The following CRTAC1 variants were observed in gnomAD, a reference collection of about 807,000 sequenced individuals.
The protein encoded by CRTAC1 is cartilage acidic protein 1, also known as acidic secreted protein in cartilage.
In CRTAC1, 37 loss-of-function variants were observed where a neutral mutation model predicts 67.8. That is an observed-to-expected ratio of 0.55 (90% CI 0.42 to 0.72). CRTAC1 has a LOEUF of 0.72. Among genes scored for constraint, CRTAC1 ranks in the 30% least tolerant of loss-of-function variants. The pLI is 0.00. For missense variants in CRTAC1, 780 were observed against 931.6 expected (o/e 0.84, Z 2.12); for synonymous variants, 348 against 371.0 (o/e 0.94, Z 0.71).
intron 2 of CRTAC1, among the ~76,000 whole-genome samples, chr10:97,948,393 T>A (rs2051297968): frequency 6.6e-6 from 1 of 151,994 alleles, no homozygotes; most frequent in Admixed American, 6.6e-5. Flanking sequence ...GGAGGGTGCA[T>A]GGGAGTGGAT....
chr10:97,923,400 C>G lies in CRTAC1; in HGVS notation c.422G>C (p.Gly141Ala), dbSNP rs765030462. The G allele has an allele frequency of 1.2e-6, 2 of 1,614,050 alleles. No homozygotes were observed. Among genetic ancestry groups the G allele is most frequent in the Non-Finnish European group, 1.7e-6 (2 of 1,180,002 alleles). ...CAACTTGTCGGTGTACGTGGCCACC[C>G]CTGGAGAGAGGAGGAAAGGGAGGGC... ...YFLNTNNAFS[G>A]VATYTDKLFK... The change falls in exon 4 of 15, where the codon GGG becomes GCG. Residue 141 changes from glycine to alanine, a missense_variant and splice_region_variant. By Grantham distance (60) the Gly-to-Ala change is moderately conservative. Coordinates refer to ENST00000370597, the MANE Select transcript of CRTAC1 (RefSeq NM_018058.7).
At chr10:97,878,650 T>C (rs775037251) in intron 14 of CRTAC1, 3 of 1,304,144 alleles carry the variant, frequency 2.3e-6, no homozygotes, top group Non-Finnish European at 3.0e-6. Flanking sequence ...AGCATTCTAT[T>C]TTCCAAGGAG....
At chr10:97,974,313 T>C in intron 2 of CRTAC1, among the ~76,000 whole-genome samples, 1 of 152,164 alleles carries the variant, frequency 6.6e-6, no homozygotes, top group East Asian at 1.9e-4. Context: ...CCCCCCCTGC[T>C]GCGTAACAGG....
chr10:97,935,244 A>G (rs953495812), intron 3 of CRTAC1, among the ~76,000 whole-genome samples: 6 of 152,326 alleles, frequency 3.9e-5, no homozygotes, highest in African/African-American at 1.4e-4. Context: ...AGTGGCATTT[A>G]CCAGTACCTA....
chr10:97,887,227 G>GTTTTTTTTTTTTTTTTT (rs71007369), intron 11 of CRTAC1, among the ~76,000 whole-genome samples: 1 of 127,960 alleles, frequency 7.8e-6, no homozygotes. Context: ...CGGCACTTAG[G>GTTTTTTTTTTTTTTTTT]TTTTTTTTTT....
At chr10:98,024,746 C>CT (rs749919406) in intron 1 of CRTAC1, among the ~76,000 whole-genome samples, 4,983 of 64,930 alleles carry the variant, frequency 0.077, 1,868 homozygotes, top group Middle Eastern at 0.13. Flanking sequence ...TTATATTATC[C>CT]TTTTTTTTTT....
intron 8 of CRTAC1, among the ~76,000 whole-genome samples, chr10:97,898,928 G>T (rs2050497189): frequency 6.6e-6 from 1 of 152,146 alleles, no homozygotes; most frequent in Non-Finnish European, 1.5e-5. Flanking sequence ...TATTAAGAGG[G>T]CTCCCTTTCA....
At chr10:97,979,121 G>T (rs1203781306) in intron 2 of CRTAC1, among the ~76,000 whole-genome samples, 2 of 152,180 alleles carry the variant, frequency 1.3e-5, no homozygotes, top group African/African-American at 4.8e-5. Context: ...CTCCCTCAGA[G>T]AAGTTCTTGC....
At chr10:98,007,918 C>A (rs891917985) in intron 2 of CRTAC1, among the ~76,000 whole-genome samples, 1 of 152,306 alleles carries the variant, frequency 6.6e-6, no homozygotes, top group Admixed American at 6.5e-5. Context: ...GAATGCCCAG[C>A]ACTTGGAAAG....
At position 97,884,276 on chromosome 10, in the gene CRTAC1, TC is replaced by T; in HGVS notation, c.1561del (p.Glu521ArgfsTer2). On this transcript the variant is annotated frameshift_variant, in exon 12 of 15. Coordinates refer to ENST00000370597, the MANE Select transcript of CRTAC1 (RefSeq NM_018058.7). LOFTEE classifies it high-confidence loss of function. ...KMVSRNVASGEMNSVLEILYP... is the reference protein window; with the variant it reads ...KMVSRNVASGXMNSVLEILYP... ...GAGGATCTCCAGCACTGAGTTCATCTCCCCGCTGGCCACGTTCCGGCTCACC... is the reference window on the plus strand; with the variant it reads ...GAGGATCTCCAGCACTGAGTTCATCTCCCGCTGGCCACGTTCCGGCTCACC... The T allele has an allele frequency of 6.4e-7, 1 of 1,559,318 alleles. No individual in the cohort carries two copies.
At chr10:98,021,095 C>T (rs1843110316) in intron 1 of CRTAC1, among the ~76,000 whole-genome samples, 1 of 152,160 alleles carries the variant, frequency 6.6e-6, no homozygotes, top group Non-Finnish European at 1.5e-5. Context: ...ACTAGGAAAA[C>T]AGCTGAGAAC....
intron 2 of CRTAC1, among the ~76,000 whole-genome samples, chr10:97,940,323 G>C (rs868380025): frequency 2.8e-4 from 42 of 152,314 alleles, no homozygotes; most frequent in African/African-American, 1.0e-3. Context: ...GAGCTACATG[G>C]GCTTACACAC....
chr10:97,968,190 A>G (rs192655052), intron 2 of CRTAC1, among the ~76,000 whole-genome samples: 106 of 152,306 alleles, frequency 7.0e-4, no homozygotes, highest in Non-Finnish European at 1.2e-3. Flanking sequence ...ACATCTGAGG[A>G]AGTAATTCTG....
At chr10:97,987,015 G>A (rs2051993108) in intron 2 of CRTAC1, among the ~76,000 whole-genome samples, 1 of 152,098 alleles carries the variant, frequency 6.6e-6, no homozygotes, top group Admixed American at 6.5e-5. Flanking sequence ...GAGAGGGCTG[G>A]GTCACTTCCA....
intron 5 of CRTAC1, among the ~76,000 whole-genome samples, chr10:97,914,195 G>A (rs1426251642): frequency 1.3e-5 from 2 of 152,154 alleles, no homozygotes; most frequent in Admixed American, 6.5e-5. Context: ...TGAAGATGCC[G>A]CTGGCCATGC....
intron 11 of CRTAC1, among the ~76,000 whole-genome samples, chr10:97,891,346 G>A (rs934535542): frequency 2.6e-5 from 4 of 151,892 alleles, no homozygotes; most frequent in African/African-American, 7.3e-5. Flanking sequence ...TCCCACTTCT[G>A]GGCCTTTGGC....
chr10:98,018,249 C>G (rs1843043519), intron 1 of CRTAC1, among the ~76,000 whole-genome samples: 1 of 136,656 alleles, frequency 7.3e-6, no homozygotes, highest in Non-Finnish European at 1.5e-5. Flanking sequence ...GAGAGAGAGA[C>G]CAACATTGGG....
At chr10:98,007,228 G>A (rs2136690776) in intron 2 of CRTAC1, among the ~76,000 whole-genome samples, 1 of 152,258 alleles carries the variant, frequency 6.6e-6, no homozygotes, top group South Asian at 2.1e-4. Flanking sequence ...CGCTTGGATG[G>A]CTCAAAGTAA....
intron 2 of CRTAC1, among the ~76,000 whole-genome samples, chr10:98,007,144 T>G (rs553364): frequency 0.29 from 43,809 of 152,056 alleles, 6,494 homozygotes; most frequent in Non-Finnish European, 0.32. Flanking sequence ...CTCTAATATG[T>G]GGGATTCAGA....
Sources: gnomAD v4.1 joint callset for allele counts (sites outside exome capture counted in the v4.1 genomes callset) on GRCh38, gnomAD v4.1.1 for gene constraint, MANE v1.5 for transcripts, NCBI Gene and HGNC (gene_info 2026-07-23, HGNC 2026-07-21) for gene names.